GABPB1: variants seen among roughly 807,000 people sequenced by gnomAD.
GABPB1 encodes GA-binding protein subunit beta-1.
GABPB1 carries 15 observed loss-of-function variants against 45.9 expected under a neutral mutation model. The observed-to-expected ratio is 0.33, with a 90% confidence interval of 0.22 to 0.50. The LOEUF is 0.50. Among genes scored for constraint, GABPB1 ranks in the 20% least tolerant of loss-of-function variants. The pLI is 0.98. For missense variants in GABPB1, 252 were observed against 457.5 expected, an observed-to-expected ratio of 0.55 and a Z score of 4.10; for synonymous variants, 143 against 154.4, an observed-to-expected ratio of 0.93 and a Z score of 0.55.
chr15:50,347,711 G>A (rs1245190832), intron 1 of GABPB1, among the ~76,000 whole-genome samples: 2 of 151,976 alleles, frequency 1.3e-5, no homozygotes, highest in Non-Finnish European at 2.9e-5. Context: ...GCACAGAATG[G>A]GTGCATTAAA....
At chr15:50,346,880 C>A (rs188221830) in intron 1 of GABPB1, among the ~76,000 whole-genome samples, 69 of 151,774 alleles carry the variant, frequency 4.5e-4, no homozygotes, top group Admixed American at 1.2e-3. Flanking sequence ...CTCCGCCCCC[C>A]CCAGGTTCAA....
intron 1 of GABPB1, among the ~76,000 whole-genome samples, chr15:50,325,822 C>T (rs1474771459): frequency 6.6e-6 from 1 of 151,936 alleles, no homozygotes; most frequent in Non-Finnish European, 1.5e-5. Context: ...TGAGCCACTG[C>T]GCCCGGCCTG....
chr15:50,294,694 A>G (rs1470191055), intron 6 of GABPB1, among the ~76,000 whole-genome samples: 5 of 152,146 alleles, frequency 3.3e-5, no homozygotes, highest in African/African-American at 1.2e-4. Context: ...GTATCACCCT[A>G]TTTTTGATAT....
At chr15:50,284,282 C>T (rs532969338) in intron 8 of GABPB1, among the ~76,000 whole-genome samples, 2 of 152,336 alleles carry the variant, frequency 1.3e-5, no homozygotes, top group South Asian at 4.1e-4. Flanking sequence ...TACCTGTATA[C>T]TCACTGTATG....
chr15:50,275,667 A>G lies in GABPB1; in HGVS notation c.*2965T>C, dbSNP rs2045830754. ...CCACCATAAAGAAATAGAGCAATCC[A>G]GTGACAGAGTAAAAGAACTCTTCTG... On this transcript the variant is annotated 3_prime_UTR_variant, in exon 9 of 9. Transcript: ENST00000380877. 2 of 152,230 alleles carry G rather than the reference A, an allele frequency of 1.3e-5. No homozygotes were observed. The highest frequency in any genetic ancestry group is 4.8e-5 in the African/African-American group (2 of 41,454). The allele number at this position is 152,230 out of a possible 1,614,324, so 9.4% of individuals were successfully genotyped here.
Position 50,278,802 on chromosome 15 carries a change from G to T in GABPB1, c.1000-18C>A, listed in dbSNP as rs377247905. On this transcript the variant is annotated intron_variant, in intron 8 of 8. Transcript: ENST00000380877. ...TCTCTCTCCTAATTAAAAGAAGAGG[G>T]TTTTTTTTTTAATTTTTGCAAAAAT... 5.7e-5 allele frequency: 78 copies of T among 1,365,026 alleles called. 3 individuals are homozygous for T. The South Asian group carries it at 8.4e-4, about 15-fold the overall frequency. The allele number at this position is 1,365,026 out of a possible 1,614,324, so 84.6% of individuals were successfully genotyped here. A position where few individuals can be genotyped will look rare whatever the true frequency, so the allele number is the denominator to read the frequency against.
intron 1 of GABPB1, among the ~76,000 whole-genome samples, chr15:50,334,001 G>A (rs1421976845): frequency 6.8e-6 from 1 of 146,288 alleles, no homozygotes; most frequent in Non-Finnish European, 1.5e-5. Flanking sequence ...TTGCACTCCA[G>A]CCTGGGCAAC....
intron 1 of GABPB1, among the ~76,000 whole-genome samples, chr15:50,312,358 TG>T (rs2047160282): frequency 6.6e-6 from 1 of 152,232 alleles, no homozygotes; most frequent in South Asian, 2.1e-4. Context: ...CTTGAATTTC[TG>T]ATTTCCTTTC....
rs1234447531 is a variant in GABPB1 at position 50,277,993 on chromosome 15, A to C, written c.*639T>G. 1 of 152,520 alleles carries C rather than the reference A, an allele frequency of 6.6e-6. No homozygotes were observed. Among genetic ancestry groups the C allele is most frequent in the Non-Finnish European group, 1.5e-5 (1 of 68,032 alleles). 9.4% of individuals were successfully genotyped at this position (152,520 alleles called of 1,614,324 possible). On this transcript the variant is annotated 3_prime_UTR_variant, in exon 9 of 9. Coordinates refer to ENST00000380877, the MANE Select transcript of GABPB1 (RefSeq NM_016654.5). Reference sequence around the variant, plus strand: ...TTTCTGTGGGAGAAATACCTATGTAAGTGATGCATTTTGAAATTATAAAAC... The same window carrying C: ...TTTCTGTGGGAGAAATACCTATGTACGTGATGCATTTTGAAATTATAAAAC...
chr15:50,351,172 T>C (rs969161207), intron 1 of GABPB1: 2 of 152,240 alleles, frequency 1.3e-5, no homozygotes, highest in African/African-American at 4.8e-5. Context: ...GTCTCACTTA[T>C]GATAGTATGC....
At chr15:50,316,103 A>T (rs947657013) in intron 1 of GABPB1, among the ~76,000 whole-genome samples, 4 of 152,204 alleles carry the variant, frequency 2.6e-5, no homozygotes, top group Non-Finnish European at 2.9e-5. Context: ...CTAGATTTTT[A>T]AAAAATCATT....
chr15:50,339,404 C>T (rs539655030), intron 1 of GABPB1, among the ~76,000 whole-genome samples: 23 of 151,032 alleles, frequency 1.5e-4, no homozygotes, highest in African/African-American at 5.1e-4. Context: ...TAGGCTGAGG[C>T]GGGAGAATCA....
chr15:50,324,394 C>G (rs1162856807), intron 1 of GABPB1, among the ~76,000 whole-genome samples: 2 of 152,034 alleles, frequency 1.3e-5, no homozygotes, highest in East Asian at 3.9e-4. Flanking sequence ...ACTCACTTTA[C>G]AGATGGGAAA....
chr15:50,319,620 G>A (rs1013599786), intron 1 of GABPB1, among the ~76,000 whole-genome samples: 6 of 152,178 alleles, frequency 3.9e-5, no homozygotes, highest in African/African-American at 9.6e-5. Context: ...GGCAAATCAC[G>A]AGGTCAGGAG....
chr15:50,334,391 G>T (rs1380701174), intron 1 of GABPB1, among the ~76,000 whole-genome samples: 1 of 151,686 alleles, frequency 6.6e-6, no homozygotes, highest in African/African-American at 2.4e-5. Flanking sequence ...GCTACATTCT[G>T]GATGGTTTTA....
At chr15:50,334,329 T>C (rs1595824971) in intron 1 of GABPB1, among the ~76,000 whole-genome samples, 1 of 152,036 alleles carries the variant, frequency 6.6e-6, no homozygotes, top group South Asian at 2.1e-4. Flanking sequence ...TCCCCATATC[T>C]CTTACACTGT....
At chr15:50,294,611 A>G (rs1370111105) in intron 6 of GABPB1, among the ~76,000 whole-genome samples, 1 of 152,212 alleles carries the variant, frequency 6.6e-6, no homozygotes, top group African/African-American at 2.4e-5. Flanking sequence ...CCTGAAATTA[A>G]AAACAAAAAA....
At chr15:50,294,885 A>T (rs1433664253) in intron 6 of GABPB1, among the ~76,000 whole-genome samples, 2 of 152,224 alleles carry the variant, frequency 1.3e-5, no homozygotes, top group African/African-American at 4.8e-5. Context: ...CTTTATTAGT[A>T]ATTACCAGAA....
At chr15:50,300,756 T>G in intron 6 of GABPB1, 33 bp downstream of exon 6, 1 of 1,375,112 alleles carries the variant, frequency 7.3e-7, no homozygotes, top group South Asian at 1.2e-5. Context: ...GAATCTGCAA[T>G]TTTAATGTAC....
Sources: allele counts gnomAD v4.1 joint callset (sites outside exome capture counted in the v4.1 genomes callset), GRCh38; gene constraint gnomAD v4.1.1; transcripts MANE v1.5; gene names NCBI Gene and HGNC (gene_info 2026-07-23, HGNC 2026-07-21).